The following NAA11 variants were observed in gnomAD, a reference collection of about 807,000 sequenced individuals.
NAA11 encodes the protein N-alpha-acetyltransferase 11.
NAA11 carries 15 observed loss-of-function variants against 16.1 expected under a neutral mutation model. The ratio of observed to expected loss-of-function variants is 0.93; its 90% confidence interval spans 0.62 to 1.44. NAA11 has a LOEUF of 1.44. Among genes scored for constraint, NAA11 ranks in the 40% most tolerant of loss-of-function variants. The probability of loss-of-function intolerance (pLI) is 0.00; values close to 1 mark genes in which losing one functional copy is unlikely to be tolerated. For synonymous variants in NAA11, 122 were observed against 112.4 expected, an observed-to-expected ratio of 1.09 and a Z score of -0.54; for missense variants, 298 against 291.3, an observed-to-expected ratio of 1.02 and a Z score of -0.17.
Position 79,325,352 on chromosome 4 carries a change from C to T in NAA11, c.526G>A (p.Glu176Lys), listed in dbSNP as rs1298822356. 1.2e-6 allele frequency: 2 copies of T among 1,613,882 alleles called. No homozygotes were observed. Among genetic ancestry groups the T allele is most frequent in the Non-Finnish European group, 1.7e-6 (2 of 1,179,892 alleles). ...KGGYVVLGSR[E>K]NQETQGSTLS... ...GTGCTGCCCTGGGTCTCCTGGTTCT[C>T]CCTGGAGCCCAGGACCACATACCCG... is the stretch of plus-strand genomic sequence containing the variant. Residue 176 changes from glutamate to lysine, a missense_variant, in exon 1 of 2, where the codon GAG (glutamate) becomes AAG (lysine). Physicochemically the swap from Glu to Lys is moderately conservative, Grantham distance 56. Coordinates refer to ENST00000286794, the MANE Select transcript of NAA11 (RefSeq NM_032693.3).
At chr4:79,259,841 G>T (rs1420342706) in intron 2 of NAA11, among the ~76,000 whole-genome samples, 1 of 152,112 alleles carries the variant, frequency 6.6e-6, no homozygotes, top group African/African-American at 2.4e-5. Flanking sequence ...TGGTTTTGTT[G>T]TTCTCCCTGA....
chr4:79,210,940 G>A, the NAA11 span, among the ~76,000 whole-genome samples: 1 of 152,272 alleles, frequency 6.6e-6, no homozygotes, highest in South Asian at 2.1e-4. Context: ...CAAAGTGGAT[G>A]CCTGGGTCTT....
chr4:79,192,499 A>G, the NAA11 span, among the ~76,000 whole-genome samples: 3 of 149,350 alleles, frequency 2.0e-5, no homozygotes, highest in Admixed American at 6.7e-5. Context: ...TGTCCTTGTG[A>G]TAGTTTGCTG....
chr4:79,256,226 TTTCTC>T (rs746057714), intron 2 of NAA11, among the ~76,000 whole-genome samples: 12 of 152,232 alleles, frequency 7.9e-5, no homozygotes, highest in Non-Finnish European at 1.3e-4. Context: ...ATTTAATTCT[TTTCTC>T]TTACATTAAG....
At chr4:79,177,627 A>G in the NAA11 span, among the ~76,000 whole-genome samples, 1 of 152,126 alleles carries the variant, frequency 6.6e-6, no homozygotes, top group South Asian at 2.1e-4. Flanking sequence ...GGCTTGTACC[A>G]AGCCTAATTT....
At chr4:79,161,537 T>G in the NAA11 span, among the ~76,000 whole-genome samples, 34 of 152,222 alleles carry the variant, frequency 2.2e-4, no homozygotes, top group Admixed American at 3.3e-4. Flanking sequence ...TTTAGTATCT[T>G]CATGTCAATA....
chr4:79,273,596 T>C (rs1316704682), intron 2 of NAA11, among the ~76,000 whole-genome samples: 1 of 152,030 alleles, frequency 6.6e-6, no homozygotes, highest in African/African-American at 2.4e-5. Flanking sequence ...AATATTTGTC[T>C]TCTTTTGTGG....
intron 2 of NAA11, among the ~76,000 whole-genome samples, chr4:79,271,925 G>A (rs1041945253): frequency 1.3e-5 from 2 of 151,840 alleles, no homozygotes; most frequent in Non-Finnish European, 2.9e-5. Context: ...CGTATGTAAA[G>A]TGACTAAATG....
chr4:79,204,976 G>A, the NAA11 span, among the ~76,000 whole-genome samples: 7 of 144,248 alleles, frequency 4.9e-5, no homozygotes, highest in Non-Finnish European at 1.1e-4. Context: ...TGGTGTGGGT[G>A]TGTGTATATG....
At chr4:79,191,612 T>C in the NAA11 span, among the ~76,000 whole-genome samples, 1 of 152,196 alleles carries the variant, frequency 6.6e-6, no homozygotes, top group African/African-American at 2.4e-5. Flanking sequence ...TTGCAAATAT[T>C]TTCTCCCATT....
In NAA11 at chr4:79,296,434, A is replaced by G. The variant is rs139004759; in HGVS notation, c.*13-2320T>C. 2.4e-4 allele frequency among the ~76,000 whole-genome samples: 36 copies of G among 152,322 alleles called. No individual in the cohort carries two copies. The East Asian group carries it at 5.4e-3, about 23-fold the overall frequency. ...CCTTACCCAGTGCCTAGAACTTATT[A>G]GGCACTTATAGAACATTTATAAAAC... On this transcript the variant is annotated intron_variant and NMD_transcript_variant, in intron 1 of 2. Transcript: ENST00000511542.
At chr4:79,323,980 G>A (rs1302499414) in intron 1 of NAA11, among the ~76,000 whole-genome samples, 6 of 150,640 alleles carry the variant, frequency 4.0e-5, no homozygotes, top group Non-Finnish European at 7.4e-5. Context: ...TCCAGCCTGG[G>A]CGACAGAACG....
the NAA11 span, among the ~76,000 whole-genome samples, chr4:79,213,652 A>G: frequency 1.3e-5 from 2 of 152,176 alleles, no homozygotes; most frequent in African/African-American, 4.8e-5. Context: ...CCAGAATATC[A>G]TATGGGAGAA....
chr4:79,295,912 T>G (rs1723207864), intron 1 of NAA11, among the ~76,000 whole-genome samples: 1 of 152,216 alleles, frequency 6.6e-6, no homozygotes, highest in African/African-American at 2.4e-5. Flanking sequence ...TCTATTCCTC[T>G]GAGAAGTAAC....
At chr4:79,274,847 A>G (rs1417638427) in intron 2 of NAA11, among the ~76,000 whole-genome samples, 2 of 152,070 alleles carry the variant, frequency 1.3e-5, no homozygotes, top group Non-Finnish European at 2.9e-5. Context: ...ATCACAACTT[A>G]GTGTAATATT....
Position 79,249,543 on chromosome 4 carries a change from AAC to A in NAA11, c.*123-23275_*123-23274del, listed in dbSNP as rs200878162. ...GGCTCAAACACCGGCTCTCTGAAAT[AAC>A]ACAGTCAGACAAATATAAAGAAAAA... On this transcript the variant is annotated intron_variant and NMD_transcript_variant, in intron 2 of 2. Transcript: ENST00000511542. Among the ~76,000 whole-genome samples the A allele has an allele frequency of 1.6e-3, 246 of 152,336 alleles. 3 individuals are homozygous for A. The highest frequency in any genetic ancestry group is 5.6e-3 in the African/African-American group (233 of 41,580).
chr4:79,169,557 A>G, the NAA11 span, among the ~76,000 whole-genome samples: 1 of 147,934 alleles, frequency 6.8e-6, no homozygotes, highest in Non-Finnish European at 1.5e-5. Context: ...AGCCATATGC[A>G]GAAAACTGAA....
chr4:79,325,501 A>T lies in NAA11; in HGVS notation c.377T>A (p.Leu126His). Reference sequence around the variant, plus strand: ...TTCCACCTCACTAATCTGAAAGTTGAGGGTGTTAGAATAAAGGTGCAAGGC... The same window carrying T: ...TTCCACCTCACTAATCTGAAAGTTGTGGGTGTTAGAATAAAGGTGCAAGGC... ...RPALHLYSNT[L>H]NFQISEVEPK... The change falls in exon 1 of 2, where the codon CTC becomes CAC. Residue 126 changes from leucine to histidine, a missense_variant. Leu to His is a moderately conservative substitution (Grantham distance 99). Transcript: ENST00000286794. 6.2e-7 allele frequency: 1 copy of T among 1,614,166 alleles called. No individual in the cohort carries two copies. The highest frequency in any genetic ancestry group is 8.5e-7 in the Non-Finnish European group (1 of 1,180,024).
At chr4:79,188,564 G>A in the NAA11 span, among the ~76,000 whole-genome samples, 1 of 150,148 alleles carries the variant, frequency 6.7e-6, no homozygotes, top group Non-Finnish European at 1.5e-5. Flanking sequence ...CAGCCTGGGC[G>A]ACAGAGCGAG....
Sources: allele counts gnomAD v4.1 joint callset (sites outside exome capture counted in the v4.1 genomes callset), GRCh38; gene constraint gnomAD v4.1.1; transcripts MANE v1.5; gene names NCBI Gene and HGNC (gene_info 2026-07-23, HGNC 2026-07-21).